PHACTR1: variants seen among roughly 807,000 people sequenced by gnomAD.
The protein encoded by PHACTR1 is phosphatase and actin regulator 1.
A neutral mutation model predicts 69.2 loss-of-function variants in PHACTR1; 16 were observed. The ratio of observed to expected loss-of-function variants is 0.23; its 90% confidence interval spans 0.16 to 0.35. The LOEUF (loss-of-function observed/expected upper bound fraction) is 0.35, where lower values mean the gene tolerates loss of function less well. Among genes scored for constraint, PHACTR1 ranks in the 10% least tolerant of loss-of-function variants. The pLI is 1.00. For synonymous variants in PHACTR1, 312 were observed against 284.5 expected (o/e 1.10, Z -0.97); for missense variants, 510 against 734.7 (o/e 0.69, Z 3.54).
chr6:13,271,005 T>C (rs1052292642), intron 10 of PHACTR1, among the ~76,000 whole-genome samples: 21 of 141,518 alleles, frequency 1.5e-4, no homozygotes, highest in African/African-American at 5.2e-4. Flanking sequence ...GCCACATGCT[T>C]TTTTTTTTTC....
At chr6:13,195,757 CAAAAAA>C (rs869092852) in intron 7 of PHACTR1, among the ~76,000 whole-genome samples, 79 of 41,502 alleles carry the variant, frequency 1.9e-3, no homozygotes, top group South Asian at 5.6e-3. Flanking sequence ...GACACCGTCT[CAAAAAA>C]AAAAAAAAAA....
chr6:12,857,849 T>G (rs552752889), intron 4 of PHACTR1, among the ~76,000 whole-genome samples: 13 of 152,254 alleles, frequency 8.5e-5, no homozygotes, highest in Non-Finnish European at 1.9e-4. Context: ...TCAACCAAAG[T>G]CTACAGAAAT....
intron 4 of PHACTR1, among the ~76,000 whole-genome samples, chr6:13,038,675 A>G (rs1338070092): frequency 6.6e-6 from 1 of 152,174 alleles, no homozygotes; most frequent in Non-Finnish European, 1.5e-5. Flanking sequence ...TTGCATTAGG[A>G]TTAGGTTCAG....
chr6:12,825,614 T>C (rs1376958624), intron 4 of PHACTR1, among the ~76,000 whole-genome samples: 3 of 152,202 alleles, frequency 2.0e-5, no homozygotes, highest in Non-Finnish European at 2.9e-5. Context: ...GTGGAAGTTG[T>C]ATCCACAGAA....
At position 12,865,137 on chromosome 6, in the gene PHACTR1, C is replaced by T. The variant is rs567678970; in HGVS notation, c.250+115347C>T. Among the ~76,000 whole-genome samples, 3 of 152,216 alleles carry T rather than the reference C, an allele frequency of 2.0e-5. No homozygotes were observed. In the South Asian group the frequency reaches 6.2e-4, roughly 32 times the overall value. On this transcript the variant is annotated intron_variant, in intron 4 of 14. Transcript: ENST00000332995. ...GAAGTTCCTCATCCCAGGAAAACCC[C>T]CAGTCCCGGACAACTATGATGGATA...
In PHACTR1 at chr6:12,927,292, G is replaced by T. The variant is rs191540274; in HGVS notation, c.251-126073G>T. ...AGTTTAGTGCTCCCTGAGGACATCTGCCTCTCTAGACTATAAACTCTTTGG... is the reference window on the plus strand; with the variant it reads ...AGTTTAGTGCTCCCTGAGGACATCTTCCTCTCTAGACTATAAACTCTTTGG... On this transcript the variant is annotated intron_variant, in intron 4 of 14. Coordinates refer to ENST00000332995, the MANE Select transcript of PHACTR1 (RefSeq NM_030948.6). Among the ~76,000 whole-genome samples the T allele has an allele frequency of 2.6e-5, 4 of 152,280 alleles. No homozygotes were observed. In the East Asian group the frequency reaches 7.7e-4, roughly 29 times the overall value.
intron 7 of PHACTR1, chr6:13,185,037 C>T (rs755566277): frequency 2.8e-5 from 37 of 1,316,464 alleles, no homozygotes; most frequent in Non-Finnish European, 3.5e-5. Context: ...GGCAAGCAGT[C>T]CCTCCTTCCC....
At chr6:13,284,566 ATATAGATACACG>A (rs1781188745) in intron 13 of PHACTR1, among the ~76,000 whole-genome samples, 1 of 121,160 alleles carries the variant, frequency 8.3e-6, no homozygotes, top group African/African-American at 3.9e-5. Flanking sequence ...ATATATATAT[ATATAGATACACG>A]TATATATATA....
chr6:12,772,666 C>T (rs949404433), intron 4 of PHACTR1, among the ~76,000 whole-genome samples: 2 of 152,108 alleles, frequency 1.3e-5, no homozygotes, highest in African/African-American at 2.4e-5. Context: ...GGTACTTGGG[C>T]GTGGATCTCA....
intron 4 of PHACTR1, among the ~76,000 whole-genome samples, chr6:12,873,444 T>G (rs1782253283): frequency 6.6e-6 from 1 of 152,032 alleles, no homozygotes; most frequent in Non-Finnish European, 1.5e-5. Flanking sequence ...CAATGCCTGC[T>G]CTCAAGGACA....
chr6:12,968,153 T>C (rs950474100), intron 4 of PHACTR1, among the ~76,000 whole-genome samples: 2 of 152,212 alleles, frequency 1.3e-5, no homozygotes, highest in South Asian at 4.1e-4. Context: ...CCACTCAAAC[T>C]CATTGCCCTT....
At chr6:12,735,863 A>C (rs1227412446) in intron 3 of PHACTR1, among the ~76,000 whole-genome samples, 1 of 152,248 alleles carries the variant, frequency 6.6e-6, no homozygotes, top group East Asian at 1.9e-4. Context: ...AACATTAAAG[A>C]CCTAAGTTGG....
chr6:13,243,886 G>A (rs145662902), intron 10 of PHACTR1, among the ~76,000 whole-genome samples: 2,712 of 152,256 alleles, frequency 0.018, 79 homozygotes, highest in African/African-American at 0.061. Context: ...TGCTAAGGAT[G>A]ATGGCCTCCA....
chr6:12,781,934 G>A (rs1474170266), intron 4 of PHACTR1, among the ~76,000 whole-genome samples: 1 of 152,160 alleles, frequency 6.6e-6, no homozygotes, highest in Non-Finnish European at 1.5e-5. Context: ...AAGGATCTCT[G>A]TCACTCAAAC....
intron 4 of PHACTR1, among the ~76,000 whole-genome samples, chr6:12,896,261 A>G (rs1210061152): frequency 2.0e-5 from 3 of 152,238 alleles, no homozygotes; most frequent in Admixed American, 6.5e-5. Context: ...GTAACTCAAC[A>G]TGAGTATCAG....
intron 4 of PHACTR1, among the ~76,000 whole-genome samples, chr6:12,980,758 A>G (rs1444490722): frequency 6.6e-5 from 10 of 152,242 alleles, no homozygotes; most frequent in African/African-American, 2.2e-4. Context: ...CAGACCAAAG[A>G]CAAAGACAGC....
intron 3 of PHACTR1, among the ~76,000 whole-genome samples, chr6:12,728,193 C>T (rs9463067): frequency 0.33 from 49,864 of 151,772 alleles, 8,872 homozygotes; most frequent in Middle Eastern, 0.48. Context: ...GTAGTGGACA[C>T]CTGTAGTCCC....
chr6:13,073,855 G>C (rs1393732972), intron 5 of PHACTR1, among the ~76,000 whole-genome samples: 1 of 151,530 alleles, frequency 6.6e-6, no homozygotes, highest in Non-Finnish European at 1.5e-5. Context: ...GGAAGTAGTA[G>C]AGTTCATATT....
At chr6:12,732,129 T>C (rs946641009) in intron 3 of PHACTR1, among the ~76,000 whole-genome samples, 1 of 152,088 alleles carries the variant, frequency 6.6e-6, no homozygotes, top group Non-Finnish European at 1.5e-5. Flanking sequence ...TGTCTTACGA[T>C]ACACATAACT....
Sources: gnomAD v4.1 joint callset for allele counts (sites outside exome capture counted in the v4.1 genomes callset) on GRCh38, gnomAD v4.1.1 for gene constraint, MANE v1.5 for transcripts, NCBI Gene and HGNC (gene_info 2026-07-23, HGNC 2026-07-21) for gene names.